The following CALR3 variants were observed in gnomAD, a reference collection of about 807,000 sequenced individuals.
CALR3 encodes the protein calreticulin 3.
In CALR3, 39 loss-of-function variants were observed where a neutral mutation model predicts 48.7. The observed-to-expected ratio is 0.80, with a 90% CI of 0.62 to 1.05. The LOEUF (loss-of-function observed/expected upper bound fraction) is 1.05, where lower values mean the gene tolerates loss of function less well. CALR3 is among the 50% of genes least tolerant of loss of function. CALR3 has a pLI of 0.00. For missense variants in CALR3, 449 were observed against 474.7 expected (o/e 0.95, Z 0.50); for synonymous variants, 185 against 172.7 (o/e 1.07, Z -0.56).
chr19:16,481,303 C>T (rs2093380285), intron 7 of CALR3, among the ~76,000 whole-genome samples: 1 of 152,060 alleles, frequency 6.6e-6, no homozygotes, highest in Admixed American at 6.6e-5. Context: ...CAAAAAGAAA[C>T]AGTTGTATTT....
chr19:16,479,307 C>T (rs187492313), intron 8 of CALR3, 33 bp from the exon 9 acceptor site: 60 of 1,612,516 alleles, frequency 3.7e-5, no homozygotes, highest in Admixed American at 1.7e-4. Flanking sequence ...TAAGCCCCAC[C>T]GGGTGCGATG....
rs201304731 is a variant in CALR3, at chr19:16,495,755, A to C, written c.189T>G (p.Asp63Glu). The part of the protein sequence containing the change: ...SGKFYGHKEK[D>E]KGLQTTQNGR... ...TGGTCCTGATTCTACACTAACCTTT[A>C]TCTTTCTCTTTATGACCATAAAACT... The change falls in exon 2 of 9, where the codon GAT becomes GAG. Residue 63 changes from aspartate to glutamate, a missense_variant. Coordinates refer to ENST00000269881, the MANE Select transcript of CALR3 (RefSeq NM_145046.5). 1 of 1,612,582 alleles carries C rather than the reference A, an allele frequency of 6.2e-7. No homozygotes were observed.
Position 16,485,045 on chromosome 19 carries a change from G to C in CALR3, c.492+118C>G, listed in dbSNP as rs573075214. ...CCTAAACTGGAAACTGGAAACAGGA[G>C]GTATGTCTACAAAGACCCATCCCTG... On this transcript the variant is annotated intron_variant, in intron 4 of 8. Coordinates refer to ENST00000269881, the MANE Select transcript of CALR3 (RefSeq NM_145046.5). The C allele has an allele frequency of 6.1e-4, 442 of 721,522 alleles. 1 individual carries two copies. The highest frequency in any genetic ancestry group is 8.0e-4 in the Non-Finnish European group (326 of 410,008). 44.7% of individuals were successfully genotyped at this position (721,522 alleles called of 1,614,324 possible).
At chr19:16,495,687 T>C (rs993286876) in intron 2 of CALR3, 64 bp downstream of exon 2, 3 of 1,282,410 alleles carry the variant, frequency 2.3e-6, no homozygotes, top group African/African-American at 2.9e-5. Context: ...GTGCCACAAC[T>C]ACCTAGAGAG....
chr19:16,487,787 T>C (rs2093391475), intron 3 of CALR3, among the ~76,000 whole-genome samples: 1 of 150,472 alleles, frequency 6.6e-6, no homozygotes, highest in African/African-American at 2.4e-5. Context: ...ATTACAGGCA[T>C]GCGCCACCAC....
chr19:16,479,310 G>A, intron 8 of CALR3, 36 bp from the exon 9 acceptor site: 1 of 1,612,596 alleles, frequency 6.2e-7, no homozygotes, highest in Non-Finnish European at 8.5e-7. Flanking sequence ...GCCCCACCGG[G>A]TGCGATGGCT....
At chr19:16,482,073 A>AT (rs1243306355) in intron 7 of CALR3, among the ~76,000 whole-genome samples, 4 of 150,860 alleles carry the variant, frequency 2.7e-5, no homozygotes, top group Admixed American at 6.6e-5. Context: ...CGCCCGGCTA[A>AT]TTTTTTTTGT....
intron 2 of CALR3, among the ~76,000 whole-genome samples, chr19:16,492,647 C>T (rs1338272159): frequency 1.3e-5 from 2 of 151,406 alleles, no homozygotes; most frequent in African/African-American, 2.4e-5. Context: ...GGGAGGATCA[C>T]GAGGTCAGGA....
At chr19:16,494,575 T>C (rs8103427) in intron 2 of CALR3, among the ~76,000 whole-genome samples, 1,831 of 150,978 alleles carry the variant, frequency 0.012, 36 homozygotes, top group African/African-American at 0.043. Flanking sequence ...TTGGCCAGAC[T>C]GGTTTTGAAC....
chr19:16,488,560 A>G (rs1430055806), intron 3 of CALR3, among the ~76,000 whole-genome samples: 1 of 148,880 alleles, frequency 6.7e-6, no homozygotes, highest in African/African-American at 2.5e-5. Context: ...ATGTGCCACT[A>G]TGCCCGGCTA....
intron 3 of CALR3, among the ~76,000 whole-genome samples, chr19:16,485,492 G>A (rs2093387876): frequency 6.6e-6 from 1 of 151,938 alleles, no homozygotes; most frequent in Non-Finnish European, 1.5e-5. Flanking sequence ...GCTAATTTTT[G>A]TATTTTTAGT....
At chr19:16,482,812 A>C in intron 5 of CALR3, 27 bp from the exon 6 acceptor site, 2 of 1,587,834 alleles carry the variant, frequency 1.3e-6, no homozygotes, top group Non-Finnish European at 1.7e-6. Context: ...GGAAAAAGTA[A>C]AATCAGTCAG....
Position 16,485,149 on chromosome 19 carries a change from A to T in CALR3, c.492+14T>A. 1 of 1,524,246 alleles carries T rather than the reference A, an allele frequency of 6.6e-7. No individual in the cohort carries two copies. The highest frequency in any genetic ancestry group is 9.1e-7 in the Non-Finnish European group (1 of 1,098,688). The allele number at this position is 1,524,246 out of a possible 1,614,324, so 94.4% of individuals were successfully genotyped here. On this transcript the variant is annotated intron_variant, in intron 4 of 8. Coordinates refer to ENST00000269881, the MANE Select transcript of CALR3 (RefSeq NM_145046.5). ...GGAGTTAACACTCATTTATTTGAAT[A>T]CAAGAGCAGTTACCTTACACCTGAT...
chr19:16,494,895 T>C (rs1334578171), intron 2 of CALR3, among the ~76,000 whole-genome samples: 1 of 152,170 alleles, frequency 6.6e-6, no homozygotes, highest in African/African-American at 2.4e-5. Context: ...ATAAGCTGAA[T>C]ATGTCTCCTT....
At chr19:16,480,016 A>G (rs1343353199) in intron 8 of CALR3, among the ~76,000 whole-genome samples, 3 of 150,902 alleles carry the variant, frequency 2.0e-5, no homozygotes, top group Non-Finnish European at 2.9e-5. Context: ...CATCCTGGCC[A>G]ATATGGTGAA....
chr19:16,485,667 T>A (rs1330411574), intron 3 of CALR3, among the ~76,000 whole-genome samples: 1 of 151,952 alleles, frequency 6.6e-6, no homozygotes, highest in African/African-American at 2.4e-5. Context: ...TTTATTTATT[T>A]ATTTGAGACA....
intron 2 of CALR3, among the ~76,000 whole-genome samples, chr19:16,493,901 T>C (rs563628064): frequency 8.7e-4 from 133 of 152,150 alleles, no homozygotes; most frequent in Non-Finnish European, 1.8e-3. Flanking sequence ...CTAATTTTTG[T>C]ATTTTTAATA....
At chr19:16,495,915 G>C (rs1251244802) in intron 1 of CALR3, 63 bp from the exon 2 acceptor site, 1 of 1,579,338 alleles carries the variant, frequency 6.3e-7, no homozygotes, top group Non-Finnish European at 8.7e-7. Context: ...CTAAGGGAAG[G>C]GTGAAGGGGA....
At chr19:16,494,611 A>G (rs1008092191) in intron 2 of CALR3, among the ~76,000 whole-genome samples, 3 of 146,070 alleles carry the variant, frequency 2.1e-5, no homozygotes, top group African/African-American at 7.7e-5. Context: ...CCGCTCGCCT[A>G]AGGCCTCCCA....
Sources: gnomAD v4.1 joint callset for allele counts (sites outside exome capture counted in the v4.1 genomes callset) on GRCh38, gnomAD v4.1.1 for gene constraint, MANE v1.5 for transcripts, NCBI Gene and HGNC (gene_info 2026-07-23, HGNC 2026-07-21) for gene names.